SDCCAG8: variants seen among roughly 807,000 people sequenced by gnomAD.
SDCCAG8 encodes SHH signaling and ciliogenesis regulator SDCCAG8, also known as serologically defined colon cancer antigen 8.
SDCCAG8 carries 74 observed loss-of-function variants against 101.8 expected under a neutral mutation model. That is an observed-to-expected ratio of 0.73 (90% confidence interval 0.60 to 0.88). The LOEUF (loss-of-function observed/expected upper bound fraction) is 0.88. Ranked by LOEUF, SDCCAG8 falls within the 40% of genes least tolerant of loss-of-function variation. The pLI is 0.00. For missense variants in SDCCAG8, 787 were observed against 822.6 expected (o/e 0.96, Z 0.53); for synonymous variants, 281 against 292.9 (o/e 0.96, Z 0.41).
chr1:243,302,246 T>TCAAAA (rs902245997), intron 6 of SDCCAG8, among the ~76,000 whole-genome samples: 6 of 152,052 alleles, frequency 3.9e-5, no homozygotes, highest in African/African-American at 1.2e-4. Flanking sequence ...AGAATCTGTC[T>TCAAAA]CAAAACAAAA....
At chr1:243,479,491 C>T (rs1261193230) in intron 16 of SDCCAG8, among the ~76,000 whole-genome samples, 2 of 152,170 alleles carry the variant, frequency 1.3e-5, no homozygotes, top group African/African-American at 4.8e-5. Context: ...TATTTAGGGG[C>T]GCTGCAAGTT....
chr1:243,348,853 G>A (rs2147808482), intron 12 of SDCCAG8, among the ~76,000 whole-genome samples: 1 of 151,552 alleles, frequency 6.6e-6, no homozygotes, highest in East Asian at 1.9e-4. Context: ...GGACATGATG[G>A]CACATGCCTG....
intron 16 of SDCCAG8, among the ~76,000 whole-genome samples, chr1:243,457,209 C>T (rs778363793): frequency 3.9e-5 from 6 of 151,992 alleles, no homozygotes; most frequent in Non-Finnish European, 7.4e-5. Context: ...TATAAATATT[C>T]ATATTCAGAA....
chr1:243,338,106 G>T (rs1306487173), intron 10 of SDCCAG8, among the ~76,000 whole-genome samples: 1 of 151,964 alleles, frequency 6.6e-6, no homozygotes, highest in African/African-American at 2.4e-5. Context: ...AAAAATTGTA[G>T]AATTGGGGTC....
chr1:243,423,532 A>C (rs1251712042), intron 15 of SDCCAG8, among the ~76,000 whole-genome samples: 1 of 152,154 alleles, frequency 6.6e-6, no homozygotes, highest in Non-Finnish European at 1.5e-5. Flanking sequence ...GGCTTTTAAG[A>C]TGCTTCCAAT....
At chr1:243,434,185 G>A (rs750698118) in intron 16 of SDCCAG8, among the ~76,000 whole-genome samples, 4 of 152,130 alleles carry the variant, frequency 2.6e-5, no homozygotes, top group South Asian at 4.1e-4. Context: ...TGGTATAATG[G>A]TTTCCCAGTA....
intron 16 of SDCCAG8, among the ~76,000 whole-genome samples, chr1:243,482,602 A>T (rs1663967042): frequency 6.6e-6 from 1 of 152,152 alleles, no homozygotes; most frequent in South Asian, 2.1e-4. Context: ...TGTGCCTGAG[A>T]TTAGGACGGC....
intron 2 of SDCCAG8, 98 bp from the exon 3 acceptor site, chr1:243,270,880 A>AAT (rs2068026328): frequency 1.2e-6 from 1 of 863,788 alleles, no homozygotes; most frequent in South Asian, 1.3e-5. Context: ...CTTGATGCAT[A>AAT]ATATATCAGC....
intron 16 of SDCCAG8, among the ~76,000 whole-genome samples, chr1:243,434,870 T>A (rs1156853723): frequency 6.6e-6 from 1 of 152,174 alleles, no homozygotes; most frequent in African/African-American, 2.4e-5. Context: ...GCATTTACCT[T>A]AGCTGGGACA....
At chr1:243,365,243 C>G (rs2076934182) in intron 12 of SDCCAG8, among the ~76,000 whole-genome samples, 1 of 152,028 alleles carries the variant, frequency 6.6e-6, no homozygotes, top group Non-Finnish European at 1.5e-5. Flanking sequence ...TCTTGTGTCC[C>G]TAACTGCATG....
At chr1:243,363,345 T>A (rs1397721762) in intron 12 of SDCCAG8, among the ~76,000 whole-genome samples, 1 of 152,238 alleles carries the variant, frequency 6.6e-6, no homozygotes, top group East Asian at 1.9e-4. Context: ...TAGATACCGA[T>A]GAACCATGTG....
intron 17 of SDCCAG8, among the ~76,000 whole-genome samples, chr1:243,490,376 G>A (rs1666103840): frequency 6.6e-6 from 1 of 152,218 alleles, no homozygotes; most frequent in Non-Finnish European, 1.5e-5. Flanking sequence ...AGCTAATCTA[G>A]GAGGCGAGGC....
intron 9 of SDCCAG8, chr1:243,318,578 G>T (rs1035288506): frequency 1.0e-6 from 1 of 985,090 alleles, no homozygotes; most frequent in African/African-American, 1.7e-5. Flanking sequence ...ATGTCCATTT[G>T]TCTTTATCCA....
intron 16 of SDCCAG8, among the ~76,000 whole-genome samples, chr1:243,465,534 T>C (rs147217432): frequency 1.3e-5 from 2 of 152,354 alleles, no homozygotes; most frequent in East Asian, 1.9e-4. Context: ...AGTTATCCCA[T>C]GCAAAGGATT....
intron 6 of SDCCAG8, among the ~76,000 whole-genome samples, chr1:243,300,341 A>G (rs1260793281): frequency 6.6e-6 from 1 of 152,084 alleles, no homozygotes; most frequent in Non-Finnish European, 1.5e-5. Flanking sequence ...ATATTTCTAT[A>G]CTAAATCCTT....
chr1:243,363,697 T>C (rs565254980), intron 12 of SDCCAG8, among the ~76,000 whole-genome samples: 1 of 152,344 alleles, frequency 6.6e-6, no homozygotes, highest in South Asian at 2.1e-4. Flanking sequence ...TATTTTTCTT[T>C]ATGAAAATGG....
chr1:243,474,117 A>G lies in SDCCAG8; in HGVS notation c.1986-14897A>G, dbSNP rs1661848891. On this transcript the variant is annotated intron_variant, in intron 16 of 17. Transcript: ENST00000366541. The surrounding 1 kb of genome is among the most constrained non-coding windows in gnomAD (Gnocchi z 4.7). ...AGTCCTTCATGATCACTGACAAACA[A>G]TGATTCATTGGTTTACAAATAAGGA... is the stretch of plus-strand genomic sequence containing the variant. 6.6e-6 allele frequency among the ~76,000 whole-genome samples: 1 copy of G among 152,148 alleles called. No homozygotes were observed. Among genetic ancestry groups the G allele is most frequent in the East Asian group, 1.9e-4 (1 of 5,200 alleles).
chr1:243,496,649 G>A (rs1240302891), intron 17 of SDCCAG8, among the ~76,000 whole-genome samples: 4 of 152,182 alleles, frequency 2.6e-5, no homozygotes, highest in Admixed American at 2.6e-4. Flanking sequence ...AGGGGCGAGG[G>A]GTGCCACCAT....
chr1:243,442,138 T>C (rs980197785), intron 16 of SDCCAG8, among the ~76,000 whole-genome samples: 20 of 152,204 alleles, frequency 1.3e-4, no homozygotes, highest in African/African-American at 4.8e-4. Flanking sequence ...TGTAAGTGAA[T>C]AGATCATCAT....
Sources: gnomAD v4.1 joint callset for allele counts (sites outside exome capture counted in the v4.1 genomes callset) on GRCh38, gnomAD v4.1.1 for gene constraint, Gnocchi (gnomAD v3.1) non-coding constraint, MANE v1.5 for transcripts, NCBI Gene and HGNC (gene_info 2026-07-23, HGNC 2026-07-21) for gene names.